FARS2: variants seen among roughly 807,000 people sequenced by gnomAD.
FARS2 encodes phenylalanine--tRNA ligase, mitochondrial.
Under a neutral mutation model 46.4 loss-of-function variants are expected in FARS2, and 40 were observed. That is an observed-to-expected ratio of 0.86 (90% CI 0.67 to 1.12). The LOEUF is 1.12. Ranked by LOEUF, FARS2 falls within the 50% of genes most tolerant of loss-of-function variation. The pLI, the probability that FARS2 is intolerant of heterozygous loss-of-function variation, is 0.00. For missense variants in FARS2, 513 were observed against 567.9 expected (o/e 0.90, Z 0.98); for synonymous variants, 234 against 214.9 (o/e 1.09, Z -0.78).
rs1187943488 is a variant in FARS2 at position 5,741,188 on chromosome 6, G to A, written c.1218-30103G>A. 3.3e-5 allele frequency among the ~76,000 whole-genome samples: 5 copies of A among 152,336 alleles called. No individual in the cohort carries two copies. The East Asian group carries it at 9.6e-4, about 29-fold the overall frequency. On this transcript the variant is annotated intron_variant, in intron 6 of 6. Transcript: ENST00000274680. ...CAACAGTCACTTTAAGTTTGAGGAA[G>A]AAAGGTTTAACCAAGTACTAGTAAG...
At chr6:5,341,190 T>G (rs1381263496) in intron 1 of FARS2, among the ~76,000 whole-genome samples, 23 of 9,020 alleles carry the variant, frequency 2.5e-3, no homozygotes, top group African/African-American at 6.0e-3. Flanking sequence ...CATGGGGAGA[T>G]ATATATATAT....
At chr6:5,696,107 A>G (rs1307898497) in intron 6 of FARS2, among the ~76,000 whole-genome samples, 4 of 152,220 alleles carry the variant, frequency 2.6e-5, no homozygotes, top group Admixed American at 6.5e-5. Flanking sequence ...CTCCATCTAC[A>G]TTGTCTGTGG....
chr6:5,454,393 G>A (rs1015308719), intron 4 of FARS2, among the ~76,000 whole-genome samples: 4 of 152,024 alleles, frequency 2.6e-5, no homozygotes, highest in Non-Finnish European at 5.9e-5. Context: ...CCAGGCTGGA[G>A]TGCAGTGGCG....
At chr6:5,755,813 A>G (rs1243748257) in intron 6 of FARS2, among the ~76,000 whole-genome samples, 1 of 152,164 alleles carries the variant, frequency 6.6e-6, no homozygotes, top group Admixed American at 6.5e-5. Flanking sequence ...TTCAAGGGTT[A>G]GCACCTTCCC....
At chr6:5,687,592 G>T (rs1355161293) in intron 6 of FARS2, among the ~76,000 whole-genome samples, 1 of 152,156 alleles carries the variant, frequency 6.6e-6, no homozygotes, top group Non-Finnish European at 1.5e-5. Context: ...TGCTGTTTTG[G>T]TTACTGTAGC....
upstream of FARS2, chr6:5,260,989 C>G: frequency 1.8e-6 from 2 of 1,132,192 alleles, no homozygotes; most frequent in South Asian, 6.4e-5. Context: ...GGAGATGCCT[C>G]CGCCCCGCCC....
In FARS2 at chr6:5,261,571, G is replaced by A. The variant is rs886974249; in HGVS notation, c.-111G>A. On this transcript the variant is annotated 5_prime_UTR_variant, in exon 1 of 7. Transcript: ENST00000274680. Reference sequence around the variant, plus strand: ...CGTGCGCGGGTATCTCTGAAGTTGGGGTTTAAGATTCTTGCCCGTGAGAGC... The same window carrying A: ...CGTGCGCGGGTATCTCTGAAGTTGGAGTTTAAGATTCTTGCCCGTGAGAGC... 1 of 152,344 alleles carries A rather than the reference G, an allele frequency of 6.6e-6. No homozygotes were observed. 9.4% of individuals were successfully genotyped at this position (152,344 alleles called of 1,614,324 possible).
chr6:5,666,963 C>T (rs1378283399), intron 6 of FARS2, among the ~76,000 whole-genome samples: 1 of 152,120 alleles, frequency 6.6e-6, no homozygotes, highest in Non-Finnish European at 1.5e-5. Flanking sequence ...CAAACTAACA[C>T]AGGAAGAGAA....
chr6:5,459,381 T>G (rs1393046611), intron 4 of FARS2, among the ~76,000 whole-genome samples: 1 of 152,010 alleles, frequency 6.6e-6, no homozygotes, highest in Non-Finnish European at 1.5e-5. Context: ...ATTTATGATT[T>G]TTTTTTTGAC....
At chr6:5,514,736 A>C (rs1033962669) in intron 4 of FARS2, among the ~76,000 whole-genome samples, 2 of 151,234 alleles carry the variant, frequency 1.3e-5, no homozygotes, top group African/African-American at 4.9e-5. Flanking sequence ...CAAATTGTAC[A>C]TTCTTAATCT....
At chr6:5,447,016 G>C (rs1354639874) in intron 4 of FARS2, among the ~76,000 whole-genome samples, 2 of 152,164 alleles carry the variant, frequency 1.3e-5, no homozygotes, top group Admixed American at 6.5e-5. Context: ...AGTTCCGGAA[G>C]GGCTACGAAT....
At chr6:5,558,539 ATTTG>A (rs1771799996) in intron 5 of FARS2, among the ~76,000 whole-genome samples, 1 of 151,710 alleles carries the variant, frequency 6.6e-6, no homozygotes. Context: ...TTAATTATTT[ATTTG>A]TTTATTTTTT....
At chr6:5,282,340 G>C (rs11757927) in intron 1 of FARS2, among the ~76,000 whole-genome samples, 2 of 152,104 alleles carry the variant, frequency 1.3e-5, no homozygotes, top group East Asian at 3.9e-4. Flanking sequence ...TATTTCAGGG[G>C]TTGCAAAAGA....
At chr6:5,532,517 C>T (rs1043815236) in intron 4 of FARS2, among the ~76,000 whole-genome samples, 1 of 152,066 alleles carries the variant, frequency 6.6e-6, no homozygotes, top group African/African-American at 2.4e-5. Context: ...TTTGGGAGGC[C>T]GAGGCGGGTG....
At chr6:5,711,877 G>T (rs9504494) in intron 6 of FARS2, among the ~76,000 whole-genome samples, 3,334 of 152,174 alleles carry the variant, frequency 0.022, 121 homozygotes, top group African/African-American at 0.077. Context: ...ATGTAGTGAC[G>T]TTGGTTCACT....
chr6:5,726,295 C>T (rs1335171164), intron 6 of FARS2, among the ~76,000 whole-genome samples: 10 of 152,186 alleles, frequency 6.6e-5, no homozygotes, highest in Admixed American at 4.6e-4. Context: ...GAATTTGCAG[C>T]GCCTCACTCC....
intron 1 of FARS2, among the ~76,000 whole-genome samples, chr6:5,268,331 G>C (rs1049235863): frequency 2.6e-5 from 4 of 152,002 alleles, no homozygotes; most frequent in African/African-American, 7.3e-5. Context: ...GGTTTTTATG[G>C]TTTTAGGTCT....
chr6:5,497,361 G>A (rs994941672), intron 4 of FARS2, among the ~76,000 whole-genome samples: 4 of 152,204 alleles, frequency 2.6e-5, no homozygotes, highest in Non-Finnish European at 4.4e-5. Context: ...GGCCAGCATC[G>A]TTGCAACTCT....
chr6:5,673,890 A>G (rs989775893), intron 6 of FARS2, among the ~76,000 whole-genome samples: 2 of 152,200 alleles, frequency 1.3e-5, no homozygotes, highest in Non-Finnish European at 2.9e-5. Flanking sequence ...GGGACTAGAC[A>G]AACAAGGTGT....
Sources: gnomAD v4.1 joint callset for allele counts (sites outside exome capture counted in the v4.1 genomes callset) on GRCh38, gnomAD v4.1.1 for gene constraint, MANE v1.5 for transcripts, NCBI Gene and HGNC (gene_info 2026-07-23, HGNC 2026-07-21) for gene names.